SEMA4D: variants seen among roughly 807,000 people sequenced by gnomAD.
SEMA4D encodes semaphorin-4D.
A neutral mutation model predicts 74.8 loss-of-function variants in SEMA4D; 22 were observed. The observed-to-expected ratio is 0.29, with a 90% confidence interval of 0.21 to 0.42. SEMA4D has a LOEUF of 0.42. SEMA4D is among the 10% of genes least tolerant of loss of function. The probability of loss-of-function intolerance (pLI) is 1.00; values close to 1 mark genes in which losing one functional copy is unlikely to be tolerated. For synonymous variants in SEMA4D, 445 were observed against 463.7 expected, an observed-to-expected ratio of 0.96 and a Z score of 0.52; for missense variants, 937 against 1,118.4, an observed-to-expected ratio of 0.84 and a Z score of 2.31.
At chr9:89,463,590 A>C (rs747286091) in intron 1 of SEMA4D, among the ~76,000 whole-genome samples, 1 of 152,168 alleles carries the variant, frequency 6.6e-6, no homozygotes, top group Non-Finnish European at 1.5e-5. Flanking sequence ...ATTAGCGTCA[A>C]CCAGTCTCCA....
intron 3 of SEMA4D, 83 bp from the exon 4 acceptor site, chr9:89,403,099 CCT>C: frequency 1.3e-6 from 2 of 1,482,600 alleles, no homozygotes; most frequent in South Asian, 1.2e-5. Context: ...ATCCTAGGTC[CCT>C]GTCTCAGTGA....
downstream of SEMA4D, among the ~76,000 whole-genome samples, chr9:89,374,760 A>C (rs184570693): frequency 1.3e-5 from 2 of 152,204 alleles, no homozygotes; most frequent in Non-Finnish European, 2.9e-5. Context: ...CACATTTAAA[A>C]ATGTAACAGC....
Position 89,405,259 on chromosome 9 carries a change from C to T in SEMA4D, c.106+92G>A, listed in dbSNP as rs1292141925. The stretch of plus-strand genomic sequence containing the variant: ...GCCTCAGCATTCCAGGAAGTGGGGT[C>T]CCTGTCCCGTCCCCAGCCACCCACC... On this transcript the variant is annotated intron_variant, in intron 3 of 15. Transcript: ENST00000422704. 1.2e-5 allele frequency: 13 copies of T among 1,081,368 alleles called. 1 individual carries two copies. The East Asian group carries it at 2.8e-4, about 23-fold the overall frequency. 67.0% of individuals were successfully genotyped at this position (1,081,368 alleles called of 1,614,324 possible).
At chr9:89,376,755 A>G (rs991591336), downstream of SEMA4D, 2 of 1,490,494 alleles carry the variant, frequency 1.3e-6, no homozygotes, top group South Asian at 1.3e-5. Flanking sequence ...AGGGATGTGG[A>G]GGATGCCCCC....
Position 89,490,845 on chromosome 9 carries a change from G to A in SEMA4D, c.-310+7074C>T, listed in dbSNP as rs139174634. Among the ~76,000 whole-genome samples the A allele has an allele frequency of 5.5e-4, 83 of 152,168 alleles. 1 individual carries two copies. The highest frequency in any genetic ancestry group is 1.0e-3 in the Non-Finnish European group (71 of 67,998). On this transcript the variant is annotated intron_variant, in intron 1 of 15. Transcript: ENST00000422704. ...TGGGAAGAGGGGGTTGAGTGAAAAGGGGCAACAGGGAAATTTAGGGGGATT... is the reference window on the plus strand; with the variant it reads ...TGGGAAGAGGGGGTTGAGTGAAAAGAGGCAACAGGGAAATTTAGGGGGATT...
chr9:89,423,720 A>C (rs1847466892), intron 2 of SEMA4D, among the ~76,000 whole-genome samples: 2 of 143,032 alleles, frequency 1.4e-5, no homozygotes, highest in African/African-American at 2.7e-5. Context: ...TCCCTCTGCT[A>C]CTCCCTCAGT....
intron 1 of SEMA4D, among the ~76,000 whole-genome samples, chr9:89,483,826 C>G (rs1016764521): frequency 6.6e-6 from 1 of 152,200 alleles, no homozygotes; most frequent in Non-Finnish European, 1.5e-5. Flanking sequence ...GACACCCACA[C>G]AGCCAGGCTG....
intron 1 of SEMA4D, among the ~76,000 whole-genome samples, chr9:89,458,406 G>C (rs1033053093): frequency 1.3e-5 from 2 of 152,068 alleles, no homozygotes; most frequent in South Asian, 4.2e-4. Flanking sequence ...ATTCCACATG[G>C]TGCATACATC....
chr9:89,471,527 T>C (rs1354957800), intron 1 of SEMA4D, among the ~76,000 whole-genome samples: 2 of 152,394 alleles, frequency 1.3e-5, no homozygotes, highest in South Asian at 2.1e-4. Context: ...CAGCTTGCTG[T>C]GCTTCATGTC....
intron 2 of SEMA4D, chr9:89,449,663 G>C (rs1853870231): frequency 6.0e-6 from 9 of 1,497,740 alleles, no homozygotes; most frequent in Non-Finnish European, 8.3e-6. Flanking sequence ...TTCGGTCCTT[G>C]GTGGACGCAT....
intron 11 of SEMA4D, among the ~76,000 whole-genome samples, chr9:89,388,355 T>C (rs1174729525): frequency 1.3e-5 from 2 of 152,264 alleles, no homozygotes; most frequent in East Asian, 1.9e-4. Context: ...TGTTTCTCTG[T>C]AAGAAACTGA....
At chr9:89,477,113 G>A (rs1272213139) in intron 1 of SEMA4D, among the ~76,000 whole-genome samples, 1 of 152,158 alleles carries the variant, frequency 6.6e-6, no homozygotes, top group Non-Finnish European at 1.5e-5. Flanking sequence ...GCCTCCTAAT[G>A]AGAAGAGACT....
At chr9:89,485,564 G>A (rs1825115968) in intron 1 of SEMA4D, among the ~76,000 whole-genome samples, 1 of 152,018 alleles carries the variant, frequency 6.6e-6, no homozygotes, top group Admixed American at 6.5e-5. Flanking sequence ...CAAGACGGGA[G>A]GATCACCTGA....
At chr9:89,497,642 G>A (rs560290964) in intron 1 of SEMA4D, among the ~76,000 whole-genome samples, 2 of 151,840 alleles carry the variant, frequency 1.3e-5, no homozygotes, top group African/African-American at 4.8e-5. Flanking sequence ...AAGGGGAGAA[G>A]GCCGGGGAGG....
chr9:89,386,539 A>C, intron 12 of SEMA4D, 57 bp from the exon 13 acceptor site: 1 of 1,170,236 alleles, frequency 8.5e-7, no homozygotes, highest in African/African-American at 1.5e-5. Context: ...AACCAAGGAC[A>C]GTGACCACAG....
At chr9:89,372,972 G>A (rs1835316190), downstream of SEMA4D, among the ~76,000 whole-genome samples, 1 of 152,098 alleles carries the variant, frequency 6.6e-6, no homozygotes, top group African/African-American at 2.4e-5. Context: ...CTGTGGTGGA[G>A]AAGGGATGAA....
chr9:89,407,683 G>C (rs1219098885), intron 2 of SEMA4D, among the ~76,000 whole-genome samples: 1 of 152,062 alleles, frequency 6.6e-6, no homozygotes, highest in Non-Finnish European at 1.5e-5. Flanking sequence ...TTTTCATCAT[G>C]GCCAGCAAGG....
chr9:89,427,144 G>A (rs539437781), intron 2 of SEMA4D, among the ~76,000 whole-genome samples: 7 of 152,220 alleles, frequency 4.6e-5, no homozygotes, highest in South Asian at 2.1e-4. Flanking sequence ...CAATCCCCAC[G>A]TTCAACTCAC....
intron 2 of SEMA4D, among the ~76,000 whole-genome samples, chr9:89,446,831 T>C (rs1452038269): frequency 6.6e-6 from 1 of 152,100 alleles, no homozygotes; most frequent in Non-Finnish European, 1.5e-5. Flanking sequence ...CACACCACGC[T>C]GCACCCAGGC....
Sources: gnomAD v4.1 joint callset for allele counts (sites outside exome capture counted in the v4.1 genomes callset) on GRCh38, gnomAD v4.1.1 for gene constraint, MANE v1.5 for transcripts, NCBI Gene and HGNC (gene_info 2026-07-23, HGNC 2026-07-21) for gene names.